KCNQ3: variants seen among roughly 807,000 people sequenced by gnomAD.
KCNQ3 encodes the protein potassium voltage-gated channel subfamily Q member 3, also known as potassium voltage-gated channel subfamily KQT member 3.
KCNQ3 carries 30 observed loss-of-function variants against 92.5 expected under a neutral mutation model. The ratio of observed to expected loss-of-function variants is 0.32; its 90% CI spans 0.24 to 0.44. The LOEUF (loss-of-function observed/expected upper bound fraction) is 0.44, where lower values mean the gene tolerates loss of function less well. KCNQ3 is among the 20% of genes least tolerant of loss of function. The pLI is 1.00. For synonymous variants in KCNQ3, 450 were observed against 468.8 expected, an observed-to-expected ratio of 0.96 and a Z score of 0.52; for missense variants, 913 against 1,140.3, an observed-to-expected ratio of 0.80 and a Z score of 2.87.
At chr8:132,334,113 C>G (rs1340940266) in intron 1 of KCNQ3, among the ~76,000 whole-genome samples, 1 of 152,136 alleles carries the variant, frequency 6.6e-6, no homozygotes, top group East Asian at 1.9e-4. Flanking sequence ...GTGGCAGAGA[C>G]AGGTGTAGTT....
At chr8:132,266,532 C>T (rs1050940567) in intron 1 of KCNQ3, among the ~76,000 whole-genome samples, 1 of 152,158 alleles carries the variant, frequency 6.6e-6, no homozygotes, top group Non-Finnish European at 1.5e-5. Flanking sequence ...GCCTGCCTTG[C>T]ATAGGTGTGG....
chr8:132,224,369 A>C (rs1814339757), intron 1 of KCNQ3, among the ~76,000 whole-genome samples: 1 of 152,116 alleles, frequency 6.6e-6, no homozygotes, highest in African/African-American at 2.4e-5. Flanking sequence ...AATTTTATTA[A>C]TTGATTAACT....
At chr8:132,136,862 C>CTTTTT (rs34845943) in intron 12 of KCNQ3, among the ~76,000 whole-genome samples, 4 of 123,364 alleles carry the variant, frequency 3.2e-5, no homozygotes, top group Non-Finnish European at 5.0e-5. Context: ...GGCTGCATAA[C>CTTTTT]TTTTTTTTTT....
At chr8:132,464,062 G>A (rs1194445487) in intron 1 of KCNQ3, among the ~76,000 whole-genome samples, 3 of 152,188 alleles carry the variant, frequency 2.0e-5, no homozygotes, top group Non-Finnish European at 2.9e-5. Flanking sequence ...GCGGGCGCCT[G>A]TAATCCCAGC....
intron 10 of KCNQ3, 51 bp from the exon 11 acceptor site, chr8:132,140,229 T>C: frequency 7.2e-7 from 1 of 1,384,838 alleles, no homozygotes; most frequent in Non-Finnish European, 1.0e-6. Context: ...TGGAAAAGGC[T>C]TGGGGACCCC....
intron 1 of KCNQ3, among the ~76,000 whole-genome samples, chr8:132,289,901 A>G (rs1055048848): frequency 3.3e-5 from 5 of 152,188 alleles, no homozygotes; most frequent in East Asian, 3.8e-4. Context: ...GCAAGAAGAA[A>G]AAAATCCCAA....
At chr8:132,308,656 C>A (rs368402955) in intron 1 of KCNQ3, among the ~76,000 whole-genome samples, 5 of 152,176 alleles carry the variant, frequency 3.3e-5, no homozygotes, top group Non-Finnish European at 7.3e-5. Context: ...GCCATAATAA[C>A]CACAAAGGGT....
chr8:132,453,662 T>C (rs972273139), intron 1 of KCNQ3, among the ~76,000 whole-genome samples: 12 of 152,170 alleles, frequency 7.9e-5, no homozygotes, highest in African/African-American at 2.6e-4. Flanking sequence ...GATCAGTCAA[T>C]TCTCATTGAT....
At chr8:132,219,970 C>T (rs76193886) in intron 1 of KCNQ3, among the ~76,000 whole-genome samples, 3,325 of 152,164 alleles carry the variant, frequency 0.022, 130 homozygotes, top group African/African-American at 0.077. Context: ...ATAACTGTGG[C>T]GTGAGCATGA....
chr8:132,263,939 C>T (rs1815877948), intron 1 of KCNQ3, among the ~76,000 whole-genome samples: 1 of 152,204 alleles, frequency 6.6e-6, no homozygotes, highest in South Asian at 2.1e-4. Flanking sequence ...CTTTACTCCA[C>T]CCAGTTCTCC....
rs183914668 is a variant in KCNQ3, at chr8:132,131,459, G to A, written c.1884+721C>T. Among the ~76,000 whole-genome samples the A allele has an allele frequency of 3.5e-3, 526 of 152,228 alleles. 3 individuals carry two copies. The highest frequency in any genetic ancestry group is 0.012 in the African/African-American group (478 of 41,530). Reference sequence around the variant, plus strand: ...CCTGCCCTCCTTCCGGCCTCTTCACGCAGGCAACCCACTGCCTGGACATTG... The same window carrying A: ...CCTGCCCTCCTTCCGGCCTCTTCACACAGGCAACCCACTGCCTGGACATTG... On this transcript the variant is annotated intron_variant, in intron 14 of 14. Transcript: ENST00000388996.
chr8:132,235,513 C>T (rs577151939), intron 1 of KCNQ3, among the ~76,000 whole-genome samples: 1 of 152,150 alleles, frequency 6.6e-6, no homozygotes, highest in Non-Finnish European at 1.5e-5. Flanking sequence ...AAAAAAGAAA[C>T]TTCCTGTCCA....
chr8:132,404,627 C>T (rs1029601962), intron 1 of KCNQ3, among the ~76,000 whole-genome samples: 8 of 152,140 alleles, frequency 5.3e-5, no homozygotes, highest in Non-Finnish European at 1.2e-4. Context: ...AGCCAGCCCC[C>T]GACAATGACA....
Position 132,175,549 on chromosome 8 carries a change from G to C in KCNQ3, c.837C>G (p.Val279=). 1 of 1,614,112 alleles carries C rather than the reference G, an allele frequency of 6.2e-7. No individual in the cohort carries two copies. Among genetic ancestry groups the C allele is most frequent in the Non-Finnish European group, 8.5e-7 (1 of 1,179,972 alleles). ...CTGGGACGTCTTTCTCAACCAGGTA[G>C]ACAAGAAATGAAGAAAGGATGAGTG... is the stretch of plus-strand genomic sequence containing the variant. ...FLTLILSSFL[V]YLVEKDVPEV... Residue 279 remains valine (V), a synonymous_variant, in exon 5 of 15, where the codon GTC becomes GTG. Coordinates refer to ENST00000388996, the MANE Select transcript of KCNQ3 (RefSeq NM_004519.4).
intron 1 of KCNQ3, among the ~76,000 whole-genome samples, chr8:132,346,655 C>T (rs1818697267): frequency 6.6e-6 from 1 of 152,254 alleles, no homozygotes; most frequent in South Asian, 2.1e-4. Flanking sequence ...TCTGAGCAAA[C>T]TCCTTCATGT....
chr8:132,333,407 T>G (rs1313578154), intron 1 of KCNQ3, among the ~76,000 whole-genome samples: 1 of 152,186 alleles, frequency 6.6e-6, no homozygotes, highest in Non-Finnish European at 1.5e-5. Context: ...CTGTCCCACA[T>G]AAATGCAAAC....
intron 9 of KCNQ3, among the ~76,000 whole-genome samples, chr8:132,152,352 TA>T (rs1825664072): frequency 6.6e-6 from 1 of 152,232 alleles, no homozygotes; most frequent in Non-Finnish European, 1.5e-5. Flanking sequence ...TATTTTGAAC[TA>T]TTTACAGCCT....
chr8:132,251,087 T>G (rs1015976030), intron 1 of KCNQ3, among the ~76,000 whole-genome samples: 33 of 152,070 alleles, frequency 2.2e-4, no homozygotes, highest in Admixed American at 2.2e-3. Flanking sequence ...GGCAACATGG[T>G]GAAACCCTGT....
chr8:132,459,760 T>G (rs1212875706), intron 1 of KCNQ3, among the ~76,000 whole-genome samples: 2 of 151,624 alleles, frequency 1.3e-5, no homozygotes, highest in East Asian at 1.9e-4. Context: ...TTAATTCCCT[T>G]TTCATACCCT....
Sources: allele counts gnomAD v4.1 joint callset (sites outside exome capture counted in the v4.1 genomes callset), GRCh38; gene constraint gnomAD v4.1.1; transcripts MANE v1.5; gene names NCBI Gene and HGNC (gene_info 2026-07-23, HGNC 2026-07-21).